Variants in NTM observed in about 807,000 individuals in gnomAD.
NTM encodes the protein neurotrimin.
A neutral mutation model predicts 42.1 loss-of-function variants in NTM; 13 were observed. That is an observed-to-expected ratio of 0.31 (90% CI 0.20 to 0.49). The LOEUF (loss-of-function observed/expected upper bound fraction) is 0.49. Among genes scored for constraint, NTM ranks in the 20% least tolerant of loss-of-function variants. The pLI, the probability that NTM is intolerant of heterozygous loss-of-function variation, is 0.99. For synonymous variants in NTM, 187 were observed against 179.2 expected, an observed-to-expected ratio of 1.04 and a Z score of -0.35; for missense variants, 373 against 452.8, an observed-to-expected ratio of 0.82 and a Z score of 1.60.
chr11:132,126,867 G>A (rs959610119), intron 2 of NTM, among the ~76,000 whole-genome samples: 1 of 152,168 alleles, frequency 6.6e-6, no homozygotes, highest in African/African-American at 2.4e-5. Flanking sequence ...CCCGCAAAGC[G>A]TGGTTTAATT....
At chr11:131,684,907 G>A (rs999582194) in intron 1 of NTM, among the ~76,000 whole-genome samples, 1 of 152,230 alleles carries the variant, frequency 6.6e-6, no homozygotes, top group Non-Finnish European at 1.5e-5. Context: ...AAGGGCATGA[G>A]TGAGCCTCAG....
chr11:131,607,562 G>T (rs1024633475), intron 1 of NTM, among the ~76,000 whole-genome samples: 1 of 152,124 alleles, frequency 6.6e-6, no homozygotes, highest in African/African-American at 2.4e-5. Flanking sequence ...TCTCTCTCCT[G>T]GGGTAGGGGA....
chr11:131,740,268 G>A (rs1420805733), intron 1 of NTM, among the ~76,000 whole-genome samples: 1 of 152,158 alleles, frequency 6.6e-6, no homozygotes, highest in Non-Finnish European at 1.5e-5. Context: ...TTTCCACATT[G>A]TAAAATAAGG....
chr11:131,962,918 C>T (rs1593219002), intron 2 of NTM, among the ~76,000 whole-genome samples: 1 of 152,130 alleles, frequency 6.6e-6, no homozygotes, highest in Non-Finnish European at 1.5e-5. Flanking sequence ...ATTAATAGGT[C>T]GGATAGTGAA....
chr11:131,589,121 AAC>A (rs2059135430), intron 1 of NTM, among the ~76,000 whole-genome samples: 1 of 151,852 alleles, frequency 6.6e-6, no homozygotes, highest in South Asian at 2.1e-4. Context: ...AAGTGAGATT[AAC>A]ACAGCAGTTA....
At chr11:131,600,749 G>C (rs925972505) in intron 1 of NTM, among the ~76,000 whole-genome samples, 1 of 152,158 alleles carries the variant, frequency 6.6e-6, no homozygotes, top group Admixed American at 6.6e-5. Context: ...AGATAGGTTT[G>C]CCTGTCCAGA....
At chr11:131,608,160 C>G (rs1305589469) in intron 1 of NTM, among the ~76,000 whole-genome samples, 1 of 152,078 alleles carries the variant, frequency 6.6e-6, no homozygotes, top group Non-Finnish European at 1.5e-5. Context: ...GGTTTTTTAT[C>G]CTTGCGATAG....
intron 1 of NTM, among the ~76,000 whole-genome samples, chr11:131,634,641 G>GAAAA (rs68051318): frequency 2.0e-5 from 3 of 147,972 alleles, no homozygotes; most frequent in Admixed American, 6.7e-5. Flanking sequence ...CAACCCACTA[G>GAAAA]AAAAAAGAAA....
intron 2 of NTM, among the ~76,000 whole-genome samples, chr11:132,142,554 G>C (rs1273511631): frequency 6.6e-6 from 1 of 152,206 alleles, no homozygotes; most frequent in East Asian, 1.9e-4. Context: ...GGATCAATGA[G>C]ACAGATAGAT....
At chr11:131,744,516 G>C (rs1228010760) in intron 1 of NTM, among the ~76,000 whole-genome samples, 1 of 152,066 alleles carries the variant, frequency 6.6e-6, no homozygotes, top group Non-Finnish European at 1.5e-5. Flanking sequence ...AAAATTGCTG[G>C]CAATTCCCTT....
At chr11:131,749,956 C>G (rs1269215203) in intron 1 of NTM, among the ~76,000 whole-genome samples, 1 of 152,182 alleles carries the variant, frequency 6.6e-6, no homozygotes, top group Non-Finnish European at 1.5e-5. Context: ...TTAAACATTT[C>G]TGTGTTTCTC....
chr11:131,782,042 GA>G (rs2088244283), intron 1 of NTM, among the ~76,000 whole-genome samples: 1 of 152,206 alleles, frequency 6.6e-6, no homozygotes, highest in African/African-American at 2.4e-5. Context: ...CTAGAGTGGA[GA>G]GATTTTATTG....
intron 2 of NTM, among the ~76,000 whole-genome samples, chr11:131,923,976 A>G (rs1292198500): frequency 6.6e-6 from 1 of 152,210 alleles, no homozygotes; most frequent in Non-Finnish European, 1.5e-5. Flanking sequence ...GGCCAGTGTG[A>G]AGCGTGAAGT....
At chr11:132,091,749 TG>T (rs2060404350) in intron 2 of NTM, among the ~76,000 whole-genome samples, 1 of 152,202 alleles carries the variant, frequency 6.6e-6, no homozygotes, top group Non-Finnish European at 1.5e-5. Context: ...CTCAAAGTTC[TG>T]GGATTACAGC....
At chr11:132,013,034 G>A (rs981339705) in intron 2 of NTM, among the ~76,000 whole-genome samples, 10 of 152,148 alleles carry the variant, frequency 6.6e-5, no homozygotes, top group African/African-American at 2.4e-4. Flanking sequence ...TCATGGAGCA[G>A]TTCACATACA....
intron 1 of NTM, among the ~76,000 whole-genome samples, chr11:131,466,641 C>A (rs539139173): frequency 2.0e-5 from 3 of 152,162 alleles, no homozygotes; most frequent in African/African-American, 4.8e-5. Flanking sequence ...TATTAATTTG[C>A]GGCATCACTA....
At chr11:131,408,020 CAGTT>C (rs1945994404) in intron 1 of NTM, among the ~76,000 whole-genome samples, 1 of 152,200 alleles carries the variant, frequency 6.6e-6, no homozygotes, top group Admixed American at 6.5e-5. Context: ...AATTATGCAA[CAGTT>C]AGTTATTTCA....
chr11:132,201,254 A>G (rs1329588206), intron 3 of NTM, among the ~76,000 whole-genome samples: 2 of 152,214 alleles, frequency 1.3e-5, no homozygotes, highest in East Asian at 3.9e-4. Context: ...TTCCATTTCT[A>G]TGAAGATCTT....
At chr11:132,224,135 G>A (rs1353046360) in intron 4 of NTM, among the ~76,000 whole-genome samples, 1 of 152,232 alleles carries the variant, frequency 6.6e-6, no homozygotes, top group Non-Finnish European at 1.5e-5. Flanking sequence ...GTCTCCACTT[G>A]AGGAGGATCC....
Sources: allele counts gnomAD v4.1 joint callset (sites outside exome capture counted in the v4.1 genomes callset), GRCh38; gene constraint gnomAD v4.1.1; transcripts MANE v1.5; gene names NCBI Gene and HGNC (gene_info 2026-07-23, HGNC 2026-07-21).